Variants in NLK observed in about 807,000 individuals in gnomAD.
The protein encoded by NLK is nemo like kinase.
In NLK, 11 loss-of-function variants were observed where a neutral mutation model predicts 59.0. That is an observed-to-expected ratio of 0.19 (90% CI 0.12 to 0.31). The LOEUF (loss-of-function observed/expected upper bound fraction) is 0.31, where lower values mean the gene tolerates loss of function less well. Among genes scored for constraint, NLK ranks in the 10% least tolerant of loss-of-function variants. NLK has a pLI of 1.00. For missense variants in NLK, 410 were observed against 661.1 expected (o/e 0.62, Z 4.16); for synonymous variants, 235 against 235.9 (o/e 1.00, Z 0.03).
chr17:28,114,259 C>A (rs62065057), intron 1 of NLK, among the ~76,000 whole-genome samples: 27,636 of 152,066 alleles, frequency 0.18, 2,644 homozygotes, highest in East Asian at 0.34. Context: ...TGGTTATATA[C>A]CTAGGAGTCA....
intron 4 of NLK, 46 bp from the exon 5 acceptor site, chr17:28,163,497 G>T: frequency 8.9e-7 from 1 of 1,119,806 alleles, no homozygotes; most frequent in South Asian, 1.4e-5. Context: ...TATTGGTTGA[G>T]TAAAAGGAAT....
In NLK at chr17:28,161,023, C is replaced by G. The variant is rs540088753; in HGVS notation, c.645-137C>G. The stretch of plus-strand genomic sequence containing the variant: ...GTTTTGTGAGGGCTGGAATTCTCAC[C>G]TCTGTCACGCTGTCTAGAAGCTTTC... On this transcript the variant is annotated intron_variant, in intron 3 of 10. Coordinates refer to ENST00000407008, the MANE Select transcript of NLK (RefSeq NM_016231.5). 48 of 528,544 alleles carry G rather than the reference C, an allele frequency of 9.1e-5. 1 individual carries two copies. The South Asian group carries it at 1.2e-3, about 13-fold the overall frequency. The allele number at this position is 528,544 out of a possible 1,614,324, so 32.7% of individuals were successfully genotyped here. A position where few individuals can be genotyped will look rare whatever the true frequency, so the allele number is the denominator to read the frequency against.
At chr17:28,054,779 G>C (rs1909380836) in intron 1 of NLK, among the ~76,000 whole-genome samples, 1 of 152,214 alleles carries the variant, frequency 6.6e-6, no homozygotes, top group Admixed American at 6.5e-5. Flanking sequence ...TGATTTAGTA[G>C]TCAAGGCTGG....
At chr17:28,075,104 A>G (rs996157260) in intron 1 of NLK, among the ~76,000 whole-genome samples, 1 of 152,234 alleles carries the variant, frequency 6.6e-6, no homozygotes, top group African/African-American at 2.4e-5. Flanking sequence ...GTATAATTTT[A>G]CATTGCTCAC....
At chr17:28,172,454 T>G in intron 6 of NLK, 63 bp from the exon 7 acceptor site, 1 of 1,156,564 alleles carries the variant, frequency 8.6e-7, no homozygotes, top group Non-Finnish European at 1.2e-6. Context: ...AGGCTATGAT[T>G]TAAGAGTAAT....
rs1389834259 is a variant in NLK at position 28,195,181 on chromosome 17, A to T, written c.*545A>T. On this transcript the variant is annotated 3_prime_UTR_variant, in exon 11 of 11. Transcript: ENST00000407008. ...GGTAGGGAGGAGGGGCATGCCACCT[A>T]ATGATCAAGCCCTATAATTAGCTTC... The T allele has an allele frequency of 6.6e-6, 1 of 152,122 alleles. No individual in the cohort carries two copies. Among genetic ancestry groups the T allele is most frequent in the South Asian group, 2.1e-4 (1 of 4,812 alleles). The allele number at this position is 152,122 out of a possible 1,614,324, so 9.4% of individuals were successfully genotyped here. A position where few individuals can be genotyped will look rare whatever the true frequency, so the allele number is the denominator to read the frequency against.
At chr17:28,136,635 T>A (rs1906758019) in intron 3 of NLK, among the ~76,000 whole-genome samples, 1 of 152,160 alleles carries the variant, frequency 6.6e-6, no homozygotes, top group Admixed American at 6.5e-5. Flanking sequence ...AGAATTTCGC[T>A]CTTTTTTGCC....
chr17:28,129,327 C>T (rs1906420323), intron 2 of NLK, among the ~76,000 whole-genome samples: 1 of 152,108 alleles, frequency 6.6e-6, no homozygotes, highest in African/African-American at 2.4e-5. Flanking sequence ...GTGGCGCATG[C>T]CCGTAGTCCC....
chr17:28,135,500 G>C (rs1444684765), intron 3 of NLK, among the ~76,000 whole-genome samples: 2 of 152,160 alleles, frequency 1.3e-5, no homozygotes, highest in Non-Finnish European at 2.9e-5. Flanking sequence ...TATCTGGCAT[G>C]CCCAAAGCCC....
intron 1 of NLK, among the ~76,000 whole-genome samples, chr17:28,109,827 C>T (rs77999170): frequency 0.01 from 1,575 of 152,228 alleles, 31 homozygotes; most frequent in African/African-American, 0.036. Flanking sequence ...TTTTCATTTC[C>T]CCTGTGTAGA....
Position 28,194,826 on chromosome 17 carries a change from T to C in NLK, c.*190T>C. The C allele has an allele frequency of 2.5e-6, 1 of 403,790 alleles. No individual in the cohort carries two copies. Among genetic ancestry groups the C allele is most frequent in the Non-Finnish European group, 4.4e-6 (1 of 228,262 alleles). The allele number at this position is 403,790 out of a possible 1,614,324, so 25.0% of individuals were successfully genotyped here. A position where few individuals can be genotyped will look rare whatever the true frequency, so the allele number is the denominator to read the frequency against. ...GACTTTTAATCTTGTAAAGTGGTTG[T>C]GCTTTTAGAAGAAAAATATTTTACC... On this transcript the variant is annotated 3_prime_UTR_variant, in exon 11 of 11. Transcript: ENST00000407008.
chr17:28,122,473 T>C (rs1597694523), intron 1 of NLK, 130 bp from the exon 2 acceptor site: 1 of 915,972 alleles, frequency 1.1e-6, no homozygotes, highest in African/African-American at 1.6e-5. Context: ...CACCTTAAGC[T>C]TCATTAAGTG....
chr17:28,161,288 A>ATCTT, intron 4 of NLK, 22 bp downstream of exon 4: 1 of 1,293,594 alleles, frequency 7.7e-7, no homozygotes, highest in Non-Finnish European at 1.1e-6. Flanking sequence ...TTATGAAGAA[A>ATCTT]AAGGTGCTGT....
intron 7 of NLK, among the ~76,000 whole-genome samples, chr17:28,173,077 T>A (rs1426542461): frequency 6.6e-6 from 1 of 152,218 alleles, no homozygotes; most frequent in Non-Finnish European, 1.5e-5. Flanking sequence ...AGAAAAGAAG[T>A]ATGAAGATAG....
intron 2 of NLK, 93 bp from the exon 3 acceptor site, chr17:28,132,527 G>C: frequency 1.1e-6 from 1 of 900,644 alleles, no homozygotes; most frequent in Non-Finnish European, 1.8e-6. Flanking sequence ...AAGCTTTAAA[G>C]CATTAAAGAG....
At chr17:28,139,929 A>G (rs1478458614) in intron 3 of NLK, among the ~76,000 whole-genome samples, 1 of 152,212 alleles carries the variant, frequency 6.6e-6, no homozygotes, top group Admixed American at 6.5e-5. Context: ...AAAAGAATAT[A>G]GTGAGGTAGT....
chr17:28,080,638 C>T (rs538903403), intron 1 of NLK, among the ~76,000 whole-genome samples: 3 of 152,230 alleles, frequency 2.0e-5, no homozygotes, highest in East Asian at 3.9e-4. Flanking sequence ...GGACCAATAT[C>T]GCGTGTAGCA....
In NLK at chr17:28,142,227, AT is replaced by A. The variant is rs200847224; in HGVS notation, c.644+9561del. On this transcript the variant is annotated intron_variant, in intron 3 of 10. Transcript: ENST00000407008. Reference sequence around the variant, plus strand: ...TCTTTTTTTTCTGGTGATTGGATTGATTTTTTTTTAGTCAGTTTTAAATTAC... The same window carrying A: ...TCTTTTTTTTCTGGTGATTGGATTGATTTTTTTTAGTCAGTTTTAAATTAC... Among the ~76,000 whole-genome samples, 18 of 151,308 alleles carry A rather than the reference AT, an allele frequency of 1.2e-4. No homozygotes were observed. The East Asian group carries it at 2.3e-3, about 20-fold the overall frequency.
At chr17:28,056,198 C>T (rs1256947487) in intron 1 of NLK, among the ~76,000 whole-genome samples, 2 of 152,174 alleles carry the variant, frequency 1.3e-5, no homozygotes, top group African/African-American at 4.8e-5. Context: ...CTGTTTGTTT[C>T]ACTAACATTG....
Sources: allele counts gnomAD v4.1 joint callset (sites outside exome capture counted in the v4.1 genomes callset), GRCh38; gene constraint gnomAD v4.1.1; transcripts MANE v1.5; gene names NCBI Gene and HGNC (gene_info 2026-07-23, HGNC 2026-07-21).